The following DBT variants were observed in gnomAD, a reference collection of about 807,000 sequenced individuals.
The protein encoded by DBT is dihydrolipoamide branched chain transacylase E2.
DBT carries 40 observed loss-of-function variants against 51.3 expected under a neutral mutation model. The observed-to-expected ratio is 0.78, with a 90% CI of 0.61 to 1.02. The LOEUF (loss-of-function observed/expected upper bound fraction) is 1.02, where lower values mean the gene tolerates loss of function less well. DBT is among the 50% of genes least tolerant of loss of function. DBT has a pLI of 0.00. For synonymous variants in DBT, 181 were observed against 190.4 expected (o/e 0.95, Z 0.41); for missense variants, 510 against 580.2 (o/e 0.88, Z 1.24).
chr1:100,243,301 T>C (rs1390443141), intron 1 of DBT, among the ~76,000 whole-genome samples: 1 of 151,664 alleles, frequency 6.6e-6, no homozygotes. Context: ...AAAATAGCCT[T>C]TTTAGACATC....
intron 1 of DBT, among the ~76,000 whole-genome samples, chr1:100,244,307 G>T (rs183893692): frequency 6.6e-6 from 1 of 152,076 alleles, no homozygotes; most frequent in East Asian, 1.9e-4. Flanking sequence ...CTTGACCAAA[G>T]GTATAAAAGA....
rs2101816258 is a variant in DBT, at chr1:100,191,648, G to A, written c.*4607C>T. ...CTCCAAAGGTGACTAAGACTCAAGT[G>A]TGGACAGAGTATTCTATTCTCCTGC... On this transcript the variant is annotated 3_prime_UTR_variant, in exon 11 of 11. Transcript: ENST00000370132. 6.6e-6 allele frequency: 1 copy of A among 152,310 alleles called. No individual in the cohort carries two copies. Among genetic ancestry groups the A allele is most frequent in the South Asian group, 2.1e-4 (1 of 4,832 alleles). The allele number at this position is 152,310 out of a possible 1,614,324, so 9.4% of individuals were successfully genotyped here.
At chr1:100,240,044 T>G (rs537756948) in intron 2 of DBT, among the ~76,000 whole-genome samples, 1 of 152,104 alleles carries the variant, frequency 6.6e-6, no homozygotes, top group Non-Finnish European at 1.5e-5. Context: ...AAAAAAACAG[T>G]TCTTGTGCCC....
intron 10 of DBT, among the ~76,000 whole-genome samples, chr1:100,200,510 A>G (rs1448606330): frequency 6.6e-6 from 1 of 151,994 alleles, no homozygotes; most frequent in South Asian, 2.1e-4. Flanking sequence ...CTGCCTGCCG[A>G]CTCTGAAAAG....
At chr1:100,249,745 C>T in intron 1 of DBT, 25 bp downstream of exon 1, 3 of 1,612,584 alleles carry the variant, frequency 1.9e-6, no homozygotes, top group Non-Finnish European at 2.5e-6. Flanking sequence ...CCTTCCCGGC[C>T]TCAGATCTGC....
chr1:100,214,956 A>G lies in DBT; in HGVS notation c.800T>C (p.Met267Thr). 6.2e-7 allele frequency: 1 copy of G among 1,612,420 alleles called. No individual in the cohort carries two copies. Among genetic ancestry groups the G allele is most frequent in the Non-Finnish European group, 8.5e-7 (1 of 1,178,450 alleles). Residue 267 changes from methionine to threonine, a missense_variant, in exon 7 of 11, where the codon ATG becomes ACG. Physicochemically the swap from Met to Thr is moderately conservative, Grantham distance 81. Transcript: ENST00000370132. ...ATGAGGTATCTTCAGGGCTGCAGACATAGTCTTGACCATTGCTTTTTGAAA... is the reference window on the plus strand; with the variant it reads ...ATGAGGTATCTTCAGGGCTGCAGACGTAGTCTTGACCATTGCTTTTTGAAA... ...KGFQKAMVKT[M>T]SAALKIPHFG... is the part of the protein sequence containing the mutation.
chr1:100,244,474 G>A (rs1218208193), intron 1 of DBT, among the ~76,000 whole-genome samples: 1 of 152,080 alleles, frequency 6.6e-6, no homozygotes, highest in Non-Finnish European at 1.5e-5. Flanking sequence ...GGAGAGAAAG[G>A]GAGAAGTCAA....
intron 1 of DBT, among the ~76,000 whole-genome samples, chr1:100,247,085 T>C (rs542019665): frequency 1.3e-5 from 2 of 152,066 alleles, no homozygotes; most frequent in African/African-American, 2.4e-5. Flanking sequence ...GGTGGGGAAG[T>C]GTCAGAGTTG....
chr1:100,198,106 A>C, intron 10 of DBT, among the ~76,000 whole-genome samples: 1 of 152,242 alleles, frequency 6.6e-6, no homozygotes, highest in Non-Finnish European at 1.5e-5. Flanking sequence ...AAATGGAAAA[A>C]TCCAAATATT....
In DBT at chr1:100,193,795, G is replaced by A. The variant is rs2101819417; in HGVS notation, c.*2460C>T. ...TTTTTGTATTTTCAATAGAGATGAG[G>A]TTTCACCATATTGGCCAGGCTGGTC... is the stretch of plus-strand genomic sequence containing the variant. On this transcript the variant is annotated 3_prime_UTR_variant, in exon 11 of 11. Transcript: ENST00000370132. 1 of 152,178 alleles carries A rather than the reference G, an allele frequency of 6.6e-6. No homozygotes were observed. The highest frequency in any genetic ancestry group is 1.9e-4 in the East Asian group (1 of 5,172). The allele number at this position is 152,178 out of a possible 1,614,324, so 9.4% of individuals were successfully genotyped here. A position where few individuals can be genotyped will look rare whatever the true frequency, so the allele number is the denominator to read the frequency against.
intron 3 of DBT, 115 bp downstream of exon 3, chr1:100,235,321 C>T (rs1487935684): frequency 4.9e-6 from 3 of 612,216 alleles, no homozygotes; most frequent in South Asian, 2.0e-5. Flanking sequence ...TTTATAAAGA[C>T]GTTTCTCAAT....
intron 4 of DBT, among the ~76,000 whole-genome samples, chr1:100,225,926 G>A (rs1394994149): frequency 1.3e-5 from 2 of 151,536 alleles, no homozygotes; most frequent in Non-Finnish European, 2.9e-5. Context: ...TTGTGCCCAG[G>A]AATTCAAGGC....
intron 2 of DBT, among the ~76,000 whole-genome samples, chr1:100,236,910 T>C (rs1055298701): frequency 2.0e-5 from 3 of 152,198 alleles, no homozygotes; most frequent in African/African-American, 7.2e-5. Context: ...CAGCCCAGAC[T>C]TAAAAGACTT....
rs774729261 is a variant in DBT, at chr1:100,215,964, T to C, written c.772+19A>G. The stretch of plus-strand genomic sequence containing the variant: ...ATAAATGAACTATTGCCTTATAGTA[T>C]TGTTATTATTATCATTACCTTTTAT... On this transcript the variant is annotated intron_variant, in intron 6 of 10. Coordinates refer to ENST00000370132, the MANE Select transcript of DBT (RefSeq NM_001918.5). 2 of 1,372,050 alleles carry C rather than the reference T, an allele frequency of 1.5e-6. No homozygotes were observed. The highest frequency in any genetic ancestry group is 1.7e-5 in the Admixed American group (1 of 59,718). The allele number at this position is 1,372,050 out of a possible 1,614,324, so 85.0% of individuals were successfully genotyped here. A position where few individuals can be genotyped will look rare whatever the true frequency, so the allele number is the denominator to read the frequency against.
At chr1:100,201,765 A>G (rs1312469107) in intron 10 of DBT, among the ~76,000 whole-genome samples, 2 of 152,196 alleles carry the variant, frequency 1.3e-5, no homozygotes, top group Non-Finnish European at 2.9e-5. Context: ...ACTCTTAAAG[A>G]AAAGAATTTT....
intron 4 of DBT, among the ~76,000 whole-genome samples, chr1:100,225,879 G>C (rs1264930093): frequency 6.7e-6 from 1 of 150,162 alleles, no homozygotes; most frequent in Non-Finnish European, 1.5e-5. Context: ...GCATGATGGA[G>C]TCCTAACTAC....
chr1:100,194,610 T>G lies in DBT; in HGVS notation c.*1645A>C, dbSNP rs1265079291. 2.0e-5 allele frequency: 3 copies of G among 152,078 alleles called. No homozygotes were observed. The highest frequency in any genetic ancestry group is 7.3e-5 in the African/African-American group (3 of 41,324). The allele number at this position is 152,078 out of a possible 1,614,324, so 9.4% of individuals were successfully genotyped here. A position where few individuals can be genotyped will look rare whatever the true frequency, so the allele number is the denominator to read the frequency against. On this transcript the variant is annotated 3_prime_UTR_variant, in exon 11 of 11. Coordinates refer to ENST00000370132, the MANE Select transcript of DBT (RefSeq NM_001918.5). ...ATCTGGCCACCTCGGCCTCCCAAAG[T>G]GCTGGGATTACAGGCGTGAGCCACC... is the stretch of plus-strand genomic sequence containing the variant.
intron 4 of DBT, among the ~76,000 whole-genome samples, chr1:100,224,485 C>T (rs1311047069): frequency 6.6e-6 from 1 of 152,042 alleles, no homozygotes; most frequent in Non-Finnish European, 1.5e-5. Flanking sequence ...ATATAAAAAA[C>T]AAGTCCAAAT....
At chr1:100,216,798 T>C (rs1264072906) in intron 5 of DBT, among the ~76,000 whole-genome samples, 4 of 152,184 alleles carry the variant, frequency 2.6e-5, no homozygotes, top group Non-Finnish European at 5.9e-5. Flanking sequence ...AAATTAGTTA[T>C]TTTTCTGGTA....
Sources: allele counts gnomAD v4.1 joint callset (sites outside exome capture counted in the v4.1 genomes callset), GRCh38; gene constraint gnomAD v4.1.1; transcripts MANE v1.5; gene names NCBI Gene and HGNC (gene_info 2026-07-23, HGNC 2026-07-21).